Variants in DPYD observed in about 807,000 individuals in gnomAD.
DPYD encodes the protein dihydropyrimidine dehydrogenase [NADP(+)].
In DPYD, 109 loss-of-function variants were observed where a neutral mutation model predicts 116.2. That is an observed-to-expected ratio of 0.94 (90% CI 0.80 to 1.10). The LOEUF (loss-of-function observed/expected upper bound fraction) is 1.10, where lower values mean the gene tolerates loss of function less well. Ranked by LOEUF, DPYD falls within the 50% of genes least tolerant of loss-of-function variation. DPYD has a pLI of 0.00. For synonymous variants in DPYD, 440 were observed against 432.0 expected, an observed-to-expected ratio of 1.02 and a Z score of -0.23; for missense variants, 1,302 against 1,254.5, an observed-to-expected ratio of 1.04 and a Z score of -0.57.
intron 20 of DPYD, among the ~76,000 whole-genome samples, chr1:97,186,431 C>T (rs1337404484): frequency 6.6e-6 from 1 of 152,162 alleles, no homozygotes; most frequent in Non-Finnish European, 1.5e-5. Context: ...TACCCTCCCA[C>T]CGTTTTGAGA....
At chr1:97,595,308 T>G in intron 8 of DPYD, 142 bp from the exon 9 acceptor site, 2 of 648,868 alleles carry the variant, frequency 3.1e-6, no homozygotes, top group Non-Finnish European at 5.3e-6. Flanking sequence ...ATATAAAATG[T>G]ACATAATACA....
At chr1:97,580,272 C>T (rs1653546738) in intron 10 of DPYD, among the ~76,000 whole-genome samples, 1 of 152,168 alleles carries the variant, frequency 6.6e-6, no homozygotes, top group African/African-American at 2.4e-5. Context: ...TACTAATTGA[C>T]CATTTATCCA....
At chr1:97,164,430 A>C (rs1193913736) in intron 20 of DPYD, among the ~76,000 whole-genome samples, 2 of 152,170 alleles carry the variant, frequency 1.3e-5, no homozygotes. Context: ...CGGCCAGAGC[A>C]ATTAGGCAAG....
chr1:97,220,623 T>C (rs1660713648), intron 19 of DPYD, among the ~76,000 whole-genome samples: 1 of 152,180 alleles, frequency 6.6e-6, no homozygotes, highest in Non-Finnish European at 1.5e-5. Context: ...TGATAGTTCA[T>C]TGAGGACATT....
intron 16 of DPYD, among the ~76,000 whole-genome samples, chr1:97,370,008 T>C (rs1004085275): frequency 7.2e-5 from 11 of 152,210 alleles, no homozygotes; most frequent in African/African-American, 2.4e-4. Context: ...CATATTTTCT[T>C]TATCCACTGT....
chr1:97,383,348 G>T (rs534990767), intron 14 of DPYD, among the ~76,000 whole-genome samples: 5 of 151,658 alleles, frequency 3.3e-5, no homozygotes, highest in African/African-American at 1.2e-4. Context: ...GTGGTGGCGT[G>T]TGCCTGTAAT....
intron 16 of DPYD, among the ~76,000 whole-genome samples, chr1:97,316,742 T>C (rs1230648523): frequency 2.0e-5 from 3 of 151,758 alleles, no homozygotes; most frequent in Non-Finnish European, 4.4e-5. Context: ...TTATCCATTG[T>C]TCACTTCTTT....
chr1:97,240,535 T>C lies in DPYD; in HGVS notation c.2300-5541A>G, dbSNP rs184882701. Among the ~76,000 whole-genome samples the C allele has an allele frequency of 3.7e-3, 556 of 152,136 alleles. 4 individuals are homozygous for C. The highest frequency in any genetic ancestry group is 8.0e-3 in the Admixed American group (122 of 15,238). The stretch of plus-strand genomic sequence containing the variant: ...ACAATAAACTCCCTGATAATAGCTC[T>C]AGCTGGCAATAAAACAGAAATTGGG... On this transcript the variant is annotated intron_variant, in intron 18 of 22. Coordinates refer to ENST00000370192, the MANE Select transcript of DPYD (RefSeq NM_000110.4).
intron 13 of DPYD, among the ~76,000 whole-genome samples, chr1:97,511,794 C>T (rs1321256086): frequency 6.6e-6 from 1 of 151,856 alleles, no homozygotes; most frequent in African/African-American, 2.4e-5. Flanking sequence ...GAAGTTAGGC[C>T]AGCCGATTTT....
intron 5 of DPYD, chr1:97,700,264 G>T (rs1303010560): frequency 2.2e-6 from 1 of 455,942 alleles, no homozygotes; most frequent in Non-Finnish European, 4.4e-6. Context: ...TTTGAAACCA[G>T]AGAGACACAG....
At position 97,656,163 on chromosome 1, in the gene DPYD, A is replaced by G. The variant is rs1170274188; in HGVS notation, c.850+22932T>C. Among the ~76,000 whole-genome samples, 5 of 152,312 alleles carry G rather than the reference A, an allele frequency of 3.3e-5. No individual in the cohort carries two copies. The South Asian group carries it at 1.0e-3, about 32-fold the overall frequency. ...CTTATGCAACAAATAACCAAGCCAA[A>G]CTGTCATATTCTACCTACGGAGCAG... On this transcript the variant is annotated intron_variant, in intron 8 of 22. Coordinates refer to ENST00000370192, the MANE Select transcript of DPYD (RefSeq NM_000110.4).
At chr1:97,537,597 A>G (rs1650108897) in intron 12 of DPYD, among the ~76,000 whole-genome samples, 1 of 152,144 alleles carries the variant, frequency 6.6e-6, no homozygotes, top group Non-Finnish European at 1.5e-5. Flanking sequence ...TTTTATCACA[A>G]TGATCTTTTT....
intron 2 of DPYD, among the ~76,000 whole-genome samples, chr1:97,836,812 G>A (rs1245582201): frequency 6.6e-6 from 1 of 151,872 alleles, no homozygotes; most frequent in Non-Finnish European, 1.5e-5. Flanking sequence ...AATAAATAGT[G>A]CCTAAATTGA....
chr1:97,324,288 A>G (rs993976537), intron 16 of DPYD, among the ~76,000 whole-genome samples: 1 of 151,990 alleles, frequency 6.6e-6, no homozygotes, highest in African/African-American at 2.4e-5. Flanking sequence ...GTGTTAATTG[A>G]TACAGGCAGT....
chr1:97,392,348 CTTTT>C (rs1049119142), intron 14 of DPYD, among the ~76,000 whole-genome samples: 1 of 151,636 alleles, frequency 6.6e-6, no homozygotes, highest in African/African-American at 2.4e-5. Flanking sequence ...CTTTCTCACT[CTTTT>C]TTTTCCTTCT....
At chr1:97,192,293 A>G (rs921879661) in intron 20 of DPYD, among the ~76,000 whole-genome samples, 2 of 152,084 alleles carry the variant, frequency 1.3e-5, no homozygotes, top group African/African-American at 2.4e-5. Flanking sequence ...TCAAGTTAAG[A>G]TTCATTTGAA....
chr1:97,788,056 C>G (rs966232554), intron 3 of DPYD, among the ~76,000 whole-genome samples: 1 of 152,168 alleles, frequency 6.6e-6, no homozygotes, highest in Non-Finnish European at 1.5e-5. Flanking sequence ...CCTCCCATCC[C>G]TGTATGTCCG....
At chr1:97,644,600 T>A (rs554386198) in intron 8 of DPYD, among the ~76,000 whole-genome samples, 2 of 150,792 alleles carry the variant, frequency 1.3e-5, no homozygotes, top group African/African-American at 4.9e-5. Flanking sequence ...AGCTAGCTTG[T>A]TTTTTGTTTT....
chr1:97,697,643 C>A (rs560159171), intron 6 of DPYD, among the ~76,000 whole-genome samples: 17 of 152,072 alleles, frequency 1.1e-4, no homozygotes, highest in African/African-American at 4.1e-4. Context: ...AAAAGAAAAA[C>A]CACCATGTTT....
Sources: gnomAD v4.1 joint callset for allele counts (sites outside exome capture counted in the v4.1 genomes callset) on GRCh38, gnomAD v4.1.1 for gene constraint, MANE v1.5 for transcripts, NCBI Gene and HGNC (gene_info 2026-07-23, HGNC 2026-07-21) for gene names.